Variants in CSMD1 observed in about 807,000 individuals in gnomAD.
The protein encoded by CSMD1 is CUB and Sushi multiple domains 1.
In CSMD1, 213 loss-of-function variants were observed where a neutral mutation model predicts 417.5. The ratio of observed to expected loss-of-function variants is 0.51; its 90% confidence interval spans 0.46 to 0.57. The LOEUF (loss-of-function observed/expected upper bound fraction) is 0.57. CSMD1 is among the 20% of genes least tolerant of loss of function. The probability of loss-of-function intolerance (pLI) is 0.00; values close to 1 mark genes in which losing one functional copy is unlikely to be tolerated. For synonymous variants in CSMD1, 2,862 were observed against 1,736.8 expected (o/e 1.65, Z -16.11); for missense variants, 6,923 against 4,529.7 (o/e 1.53, Z -15.17).
chr8:3,679,138 A>C (rs570263840), intron 7 of CSMD1, among the ~76,000 whole-genome samples: 1 of 152,300 alleles, frequency 6.6e-6, no homozygotes, highest in Admixed American at 6.5e-5. Flanking sequence ...AATGAGCACA[A>C]TAACCAGCTA....
chr8:3,026,956 G>A (rs1364594013), intron 51 of CSMD1, among the ~76,000 whole-genome samples: 4 of 152,070 alleles, frequency 2.6e-5, no homozygotes, highest in East Asian at 1.9e-4. Context: ...TGAGGCAAGA[G>A]ATAAAAAGAG....
intron 6 of CSMD1, among the ~76,000 whole-genome samples, chr8:3,740,212 T>C (rs1473813614): frequency 6.6e-6 from 1 of 152,070 alleles, no homozygotes; most frequent in East Asian, 1.9e-4. Flanking sequence ...TTCAAGTGAG[T>C]CTCCTGCCTC....
At chr8:3,040,413 T>A (rs866374926) in intron 50 of CSMD1, among the ~76,000 whole-genome samples, 20 of 139,800 alleles carry the variant, frequency 1.4e-4, no homozygotes, top group African/African-American at 4.0e-4. Flanking sequence ...TATATATATA[T>A]AACAGAAATA....
chr8:4,211,838 A>G (rs1800330326), intron 3 of CSMD1, among the ~76,000 whole-genome samples: 1 of 152,214 alleles, frequency 6.6e-6, no homozygotes, highest in African/African-American at 2.4e-5. Flanking sequence ...GGAGTCTTTG[A>G]GGGTGAGAAA....
chr8:4,420,114 C>CA (rs35020621), intron 2 of CSMD1, 49 bp from the exon 3 acceptor site: 277,560 of 1,329,248 alleles, frequency 0.21, 31,522 homozygotes, highest in African/African-American at 0.41. Context: ...ATGAATTTGT[C>CA]AAAAAAAGCT....
chr8:4,124,015 C>G (rs995262677), intron 3 of CSMD1, among the ~76,000 whole-genome samples: 27 of 152,114 alleles, frequency 1.8e-4, no homozygotes, highest in African/African-American at 5.8e-4. Flanking sequence ...AATGGATTAT[C>G]TAACTTTTTT....
chr8:3,394,805 T>A (rs1309860605), intron 17 of CSMD1, among the ~76,000 whole-genome samples: 3 of 152,302 alleles, frequency 2.0e-5, no homozygotes, highest in African/African-American at 7.2e-5. Flanking sequence ...TACTTTAAGT[T>A]TCAAAATACG....
intron 3 of CSMD1, among the ~76,000 whole-genome samples, chr8:4,386,913 C>G (rs1052068933): frequency 1.3e-5 from 2 of 152,130 alleles, no homozygotes; most frequent in Non-Finnish European, 2.9e-5. Flanking sequence ...TAAAAGGAAA[C>G]TTCGAGGCAG....
intron 3 of CSMD1, among the ~76,000 whole-genome samples, chr8:4,364,681 C>T (rs1485315805): frequency 1.7e-5 from 1 of 60,394 alleles, no homozygotes; most frequent in Non-Finnish European, 2.8e-5. Flanking sequence ...AAAAATTAGC[C>T]GGGCGTAGTG....
chr8:4,241,976 T>C (rs115513133), intron 3 of CSMD1, among the ~76,000 whole-genome samples: 1 of 152,218 alleles, frequency 6.6e-6, no homozygotes, highest in Non-Finnish European at 1.5e-5. Flanking sequence ...CGGATTAACA[T>C]GCCAACAGTG....
At chr8:4,453,811 TTTC>T (rs201442901) in intron 2 of CSMD1, among the ~76,000 whole-genome samples, 6,589 of 111,050 alleles carry the variant, frequency 0.059, 502 homozygotes, top group South Asian at 0.1. Flanking sequence ...GCGCAATTCG[TTTC>T]TTTTTTTTTT....
intron 3 of CSMD1, among the ~76,000 whole-genome samples, chr8:4,230,006 T>A (rs1801614756): frequency 6.6e-6 from 1 of 152,214 alleles, no homozygotes; most frequent in Admixed American, 6.5e-5. Context: ...AATAAATGCA[T>A]ATGATTTTGC....
chr8:4,403,288 C>G (rs1426334070), intron 3 of CSMD1, among the ~76,000 whole-genome samples: 6 of 152,220 alleles, frequency 3.9e-5, no homozygotes, highest in African/African-American at 7.2e-5. Context: ...TAACTCTTCT[C>G]TTCATTCCCC....
intron 8 of CSMD1, among the ~76,000 whole-genome samples, chr8:3,591,002 G>A (rs779543549): frequency 4.6e-5 from 7 of 152,096 alleles, no homozygotes; most frequent in Admixed American, 6.6e-5. Flanking sequence ...TTGGTTTTCT[G>A]GAAAGAAGTC....
At chr8:4,769,681 G>C (rs1161080668) in intron 1 of CSMD1, among the ~76,000 whole-genome samples, 1 of 152,132 alleles carries the variant, frequency 6.6e-6, no homozygotes, top group African/African-American at 2.4e-5. Context: ...CGGATTTGTG[G>C]AGCTGCACGT....
intron 1 of CSMD1, among the ~76,000 whole-genome samples, chr8:4,862,218 A>T (rs1802178498): frequency 1.3e-5 from 2 of 152,058 alleles, no homozygotes; most frequent in African/African-American, 4.8e-5. Context: ...GGGGGCTTGA[A>T]TACAGAAAGT....
intron 23 of CSMD1, among the ~76,000 whole-genome samples, chr8:3,312,248 G>GTCAT (rs1436433228): frequency 2.0e-5 from 3 of 152,148 alleles, no homozygotes; most frequent in Non-Finnish European, 4.4e-5. Flanking sequence ...ACTACACCTT[G>GTCAT]TCATACAGAA....
intron 5 of CSMD1, among the ~76,000 whole-genome samples, chr8:3,932,100 T>A (rs1329119415): frequency 6.6e-6 from 1 of 150,422 alleles, no homozygotes; most frequent in Non-Finnish European, 1.5e-5. Context: ...ACATCCAGAA[T>A]AACATTCTTG....
chr8:4,435,408 G>C (rs1798095407), intron 2 of CSMD1, among the ~76,000 whole-genome samples: 1 of 152,164 alleles, frequency 6.6e-6, no homozygotes, highest in African/African-American at 2.4e-5. Context: ...CTCCAAAGAA[G>C]TCACCATGCA....
Sources: allele counts gnomAD v4.1 joint callset (sites outside exome capture counted in the v4.1 genomes callset), GRCh38; gene constraint gnomAD v4.1.1; transcripts MANE v1.5; gene names NCBI Gene and HGNC (gene_info 2026-07-23, HGNC 2026-07-21).